The following NTN1 variants were observed in gnomAD, a reference collection of about 807,000 sequenced individuals.
The protein encoded by NTN1 is netrin-1.
NTN1 carries 11 observed loss-of-function variants against 54.2 expected under a neutral mutation model. The observed-to-expected ratio is 0.20, with a 90% confidence interval of 0.13 to 0.34. NTN1 has a LOEUF of 0.34. Ranked by LOEUF, NTN1 falls within the 10% of genes least tolerant of loss-of-function variation. The pLI is 1.00. For synonymous variants in NTN1, 371 were observed against 382.0 expected, an observed-to-expected ratio of 0.97 and a Z score of 0.33; for missense variants, 740 against 893.1, an observed-to-expected ratio of 0.83 and a Z score of 2.18.
intron 5 of NTN1, among the ~76,000 whole-genome samples, chr17:9,204,308 CTT>C (rs71361873): frequency 1.6e-5 from 2 of 124,294 alleles, no homozygotes; most frequent in African/African-American, 7.9e-5. Context: ...CTCTCTCTCT[CTT>C]TCTTTCTGAC....
upstream of NTN1, among the ~76,000 whole-genome samples, chr17:9,019,072 G>A (rs2091837943): frequency 6.6e-6 from 1 of 152,194 alleles, no homozygotes; most frequent in Non-Finnish European, 1.5e-5. Context: ...CTGCAGGAAA[G>A]CTTAGGGACA....
chr17:9,018,095 G>C (rs1321063908), upstream of NTN1, among the ~76,000 whole-genome samples: 5 of 152,110 alleles, frequency 3.3e-5, no homozygotes, highest in Non-Finnish European at 7.3e-5. Flanking sequence ...TGGACGTAGA[G>C]GAGTTCCACC....
intron 5 of NTN1, among the ~76,000 whole-genome samples, chr17:9,200,094 C>G (rs1421435558): frequency 6.6e-6 from 1 of 152,254 alleles, no homozygotes; most frequent in Non-Finnish European, 1.5e-5. Flanking sequence ...GTGGACGTTA[C>G]AGGACTACAA....
chr17:9,193,938 A>AAAAC (rs1555575007), intron 5 of NTN1, among the ~76,000 whole-genome samples: 12 of 108,404 alleles, frequency 1.1e-4, no homozygotes, highest in South Asian at 1.1e-3. Context: ...AAAAAAAAAA[A>AAAAC]AAAAAACATT....
Position 9,221,147 on chromosome 17 carries a change from T to TCGCCCCC in NTN1, c.1412-20_1412-19insGCCCCCC. ...CAGCCTAATTAGTTTTTGTCTGTGCTCCCCCCCCACCCCCCTGCAGACTGC... is the reference window on the plus strand; with the variant it reads ...CAGCCTAATTAGTTTTTGTCTGTGCTCGCCCCCCCCCCCCCACCCCCCTGCAGACTGC... On this transcript the variant is annotated intron_variant, in intron 5 of 6. Transcript: ENST00000173229. The surrounding 1 kb of genome is among the most constrained non-coding windows in gnomAD (Gnocchi z 4.5). The TCGCCCCC allele has an allele frequency of 7.7e-7, 1 of 1,303,810 alleles. No homozygotes were observed. Among genetic ancestry groups the TCGCCCCC allele is most frequent in the Non-Finnish European group, 1.0e-6 (1 of 952,882 alleles). The allele number at this position is 1,303,810 out of a possible 1,614,324, so 80.8% of individuals were successfully genotyped here.
chr17:9,029,017 C>T (rs746577797), intron 2 of NTN1, among the ~76,000 whole-genome samples: 14 of 151,684 alleles, frequency 9.2e-5, no homozygotes, highest in Non-Finnish European at 1.6e-4. Context: ...CGGGAGGTCT[C>T]GGAGGGCTTT....
intron 2 of NTN1, among the ~76,000 whole-genome samples, chr17:9,161,838 G>A (rs1416838073): frequency 1.3e-5 from 2 of 152,214 alleles, no homozygotes; most frequent in East Asian, 3.9e-4. Context: ...AGGGGAGCCT[G>A]TGGGACTCAG....
rs1906104462 is a variant in NTN1 at position 9,239,340 on chromosome 17, G to T, written c.1487-300G>T. Among the ~76,000 whole-genome samples, 1 of 152,202 alleles carries T rather than the reference G, an allele frequency of 6.6e-6. No individual in the cohort carries two copies. The highest frequency in any genetic ancestry group is 2.4e-5 in the African/African-American group (1 of 41,446). ...AGACAGCTTGCCCAGAGTGCTGGGG[G>T]CGTGGTCAGCACCTGTAGGCTTCCT... On this transcript the variant is annotated intron_variant, in intron 6 of 6. Coordinates refer to ENST00000173229, the MANE Select transcript of NTN1 (RefSeq NM_004822.3). The surrounding 1 kb of genome is among the most constrained non-coding windows in gnomAD (Gnocchi z 5.2).
chr17:9,093,140 G>A (rs892967109), intron 2 of NTN1, among the ~76,000 whole-genome samples: 15 of 152,190 alleles, frequency 9.9e-5, no homozygotes, highest in African/African-American at 3.1e-4. Context: ...TGATCTGCCC[G>A]TCTCGGCCTC....
At position 9,146,515 on chromosome 17, in the gene NTN1, G is replaced by A. The variant is rs1009458350; in HGVS notation, c.1019-16298G>A. ...TTGCTTATGCATACCTTGGTCCTCA[G>A]TCCTGAAACAAGCAGCCAATGCACT... On this transcript the variant is annotated intron_variant, in intron 2 of 6. Transcript: ENST00000173229. Among the ~76,000 whole-genome samples the A allele has an allele frequency of 2.0e-5, 3 of 152,144 alleles. No individual in the cohort carries two copies. The South Asian group carries it at 6.2e-4, about 31-fold the overall frequency.
chr17:9,030,529 G>A (rs981809509), intron 2 of NTN1, among the ~76,000 whole-genome samples: 3 of 152,094 alleles, frequency 2.0e-5, no homozygotes, highest in Admixed American at 1.3e-4. Context: ...GGGGGATCAC[G>A]AGGTCAGGAG....
chr17:9,011,228 TG>T, the NTN1 span, among the ~76,000 whole-genome samples: 2 of 152,194 alleles, frequency 1.3e-5, no homozygotes, highest in Admixed American at 1.3e-4. Flanking sequence ...TCCTGCTGTG[TG>T]GCCTCGTTCC....
At position 9,180,883 on chromosome 17, in the gene NTN1, C is replaced by T. The variant is rs749255512; in HGVS notation, c.1357+927C>T. ...TAGCTTCACAACAACCTCCAATTGT[C>T]AGCCTCACAGTTTGTCAAAATCCTT... On this transcript the variant is annotated intron_variant, in intron 4 of 6. Coordinates refer to ENST00000173229, the MANE Select transcript of NTN1 (RefSeq NM_004822.3). 2.6e-5 allele frequency among the ~76,000 whole-genome samples: 4 copies of T among 152,224 alleles called. No homozygotes were observed. The South Asian group carries it at 6.2e-4, about 24-fold the overall frequency.
At chr17:9,166,125 CAG>C (rs1048244062) in intron 3 of NTN1, among the ~76,000 whole-genome samples, 83 of 150,926 alleles carry the variant, frequency 5.5e-4, no homozygotes, top group South Asian at 1.7e-3. Context: ...GATCTTCAAA[CAG>C]GGGTCTCCTG....
At chr17:9,178,119 C>A (rs1453969922) in intron 3 of NTN1, among the ~76,000 whole-genome samples, 2 of 152,214 alleles carry the variant, frequency 1.3e-5, no homozygotes, top group African/African-American at 4.8e-5. Flanking sequence ...ATCGTTTGAA[C>A]CCGGGAGGCG....
rs1906276720 is a variant in NTN1 at position 9,243,065 on chromosome 17, G to A, written c.*3097G>A. ...AGTTGTCCTTTTTCTTACCAGCTGG[G>A]TGGTCTGGTGCCCCTGACAGCTGAG... On this transcript the variant is annotated 3_prime_UTR_variant, in exon 7 of 7. Coordinates refer to ENST00000173229, the MANE Select transcript of NTN1 (RefSeq NM_004822.3). 1 of 152,234 alleles carries A rather than the reference G, an allele frequency of 6.6e-6. No homozygotes were observed. The highest frequency in any genetic ancestry group is 1.5e-5 in the Non-Finnish European group (1 of 68,044). 9.4% of individuals were successfully genotyped at this position (152,234 alleles called of 1,614,324 possible). A position where few individuals can be genotyped will look rare whatever the true frequency, so the allele number is the denominator to read the frequency against.
rs189010670 is a variant in NTN1 at position 9,241,621 on chromosome 17, C to G, written c.*1653C>G. On this transcript the variant is annotated 3_prime_UTR_variant, in exon 7 of 7. Coordinates refer to ENST00000173229, the MANE Select transcript of NTN1 (RefSeq NM_004822.3). ...GTCATACCAAGTATGAAGCTCGGCC[C>G]CCGGTGGTCTGGCTTCCCTCCGCCT... is the stretch of plus-strand genomic sequence containing the variant. 2.5e-4 allele frequency: 38 copies of G among 152,432 alleles called. No individual in the cohort carries two copies. Among genetic ancestry groups the G allele is most frequent in the African/African-American group, 8.7e-4 (36 of 41,574 alleles). The allele number at this position is 152,432 out of a possible 1,614,324, so 9.4% of individuals were successfully genotyped here.
chr17:9,105,560 C>T (rs1357344028), intron 2 of NTN1, among the ~76,000 whole-genome samples: 10 of 152,124 alleles, frequency 6.6e-5, no homozygotes, highest in Admixed American at 5.2e-4. Flanking sequence ...ATCCCTGGCT[C>T]CTGTGGGGAC....
intron 3 of NTN1, among the ~76,000 whole-genome samples, chr17:9,167,117 T>C (rs2092375562): frequency 6.6e-6 from 1 of 152,184 alleles, no homozygotes; most frequent in East Asian, 1.9e-4. Flanking sequence ...TCTCCAGCTA[T>C]TCAGTGCGAT....
Sources: gnomAD v4.1 joint callset for allele counts (sites outside exome capture counted in the v4.1 genomes callset) on GRCh38, gnomAD v4.1.1 for gene constraint, Gnocchi (gnomAD v3.1) non-coding constraint, MANE v1.5 for transcripts, NCBI Gene and HGNC (gene_info 2026-07-23, HGNC 2026-07-21) for gene names.